Variants in IL1RAPL2 observed in about 807,000 individuals in gnomAD.
The protein encoded by IL1RAPL2 is interleukin 1 receptor accessory protein like 2, also known as X-linked interleukin-1 receptor accessory protein-like 2.
A neutral mutation model predicts 44.1 loss-of-function variants in IL1RAPL2; 3 were observed. The observed-to-expected ratio is 0.07, with a 90% confidence interval of 0.03 to 0.18. The LOEUF (loss-of-function observed/expected upper bound fraction) is 0.18. IL1RAPL2 is among the 10% of genes least tolerant of loss of function. The pLI is 1.00. For synonymous variants in IL1RAPL2, 181 were observed against 178.8 expected (o/e 1.01, Z -0.10); for missense variants, 391 against 496.4 (o/e 0.79, Z 2.02).
chrX:105,679,720 A>G (rs771801569), intron 6 of IL1RAPL2, among the ~76,000 whole-genome samples: 5 of 112,111 alleles, frequency 4.5e-5, no homozygotes, highest in African/African-American at 1.3e-4. Flanking sequence ...CCACCAAAAC[A>G]TATCAATTTT....
chrX:105,198,256 A>G (rs973094108), intron 3 of IL1RAPL2, among the ~76,000 whole-genome samples: 12 of 111,826 alleles, frequency 1.1e-4, no homozygotes, highest in African/African-American at 3.9e-4. Flanking sequence ...TCCTTTGGGT[A>G]TATACCCAAT....
chrX:104,896,617 A>G (rs1923656451), intron 2 of IL1RAPL2, among the ~76,000 whole-genome samples: 1 of 111,776 alleles, frequency 8.9e-6, no homozygotes, highest in South Asian at 3.8e-4. Flanking sequence ...AAATGCACCA[A>G]GCAGCACTCT....
chrX:104,792,126 G>A (rs1286150338), intron 2 of IL1RAPL2, among the ~76,000 whole-genome samples: 4 of 110,446 alleles, frequency 3.6e-5, no homozygotes, highest in Admixed American at 2.9e-4. Context: ...GCCTCTTTTA[G>A]AGGGGAGGAA....
In IL1RAPL2 at chrX:105,402,332, A is replaced by G. The variant is rs141912561; in HGVS notation, c.698-81981A>G. Among the ~76,000 whole-genome samples, 988 of 111,403 alleles carry G rather than the reference A, an allele frequency of 8.9e-3. 6 individuals carry two copies. The highest frequency in any genetic ancestry group is 0.015 in the Non-Finnish European group (780 of 52,887). ...CTGTAAACATACATCTCAACTTTGAATACTGGCAACACTTTCAGCAAGATA... is the reference window on the plus strand; with the variant it reads ...CTGTAAACATACATCTCAACTTTGAGTACTGGCAACACTTTCAGCAAGATA... On this transcript the variant is annotated intron_variant, in intron 5 of 10. Transcript: ENST00000372582.
At chrX:104,785,568 A>C (rs1932794158) in intron 2 of IL1RAPL2, among the ~76,000 whole-genome samples, 1 of 111,075 alleles carries the variant, frequency 9.0e-6, no homozygotes, top group Admixed American at 9.6e-5. Context: ...TTCTGCCCTC[A>C]GTTTTCTGAC....
chrX:105,216,147 A>G (rs1341169545), intron 3 of IL1RAPL2, among the ~76,000 whole-genome samples: 2 of 111,388 alleles, frequency 1.8e-5, no homozygotes, highest in Non-Finnish European at 3.8e-5. Flanking sequence ...GCGCATTCTA[A>G]TAGGAAGAGA....
intron 2 of IL1RAPL2, among the ~76,000 whole-genome samples, chrX:104,867,354 T>G (rs1424868739): frequency 3.6e-5 from 4 of 110,927 alleles, no homozygotes; most frequent in African/African-American, 1.3e-4. Flanking sequence ...GCAAGCTATG[T>G]ACAAGAAATA....
chrX:104,952,546 A>T (rs1925612433), intron 2 of IL1RAPL2, among the ~76,000 whole-genome samples: 1 of 112,113 alleles, frequency 8.9e-6, no homozygotes, highest in Non-Finnish European at 1.9e-5. Context: ...TAATGTTGTT[A>T]TCTTATTAAG....
At position 105,618,905 on chromosome X, in the gene IL1RAPL2, T is replaced by C. The variant is rs930421669; in HGVS notation, c.773-98462T>C. ...GACTTATTGTCCCTGTTACTGGAAG[T>C]GTGGTAAGCAGATAGCCTTCAGCTT... On this transcript the variant is annotated intron_variant, in intron 6 of 10. Coordinates refer to ENST00000372582, the MANE Select transcript of IL1RAPL2 (RefSeq NM_017416.2). 3.6e-5 allele frequency among the ~76,000 whole-genome samples: 4 copies of C among 111,249 alleles called. No individual in the cohort carries two copies. In the Admixed American group the frequency reaches 3.8e-4, roughly 11 times the overall value.
intron 2 of IL1RAPL2, among the ~76,000 whole-genome samples, chrX:105,180,990 A>G (rs2033525598): frequency 9.0e-6 from 1 of 111,418 alleles, no homozygotes. Context: ...GAAACTTTTT[A>G]TTAATGATGC....
At chrX:105,109,282 T>C (rs1602958308) in intron 2 of IL1RAPL2, among the ~76,000 whole-genome samples, 1 of 112,505 alleles carries the variant, frequency 8.9e-6, no homozygotes, top group East Asian at 2.8e-4. Flanking sequence ...ACATAGCAGA[T>C]ATCTTTAAAA....
At chrX:105,072,316 C>G (rs1169235057) in intron 2 of IL1RAPL2, among the ~76,000 whole-genome samples, 1 of 111,644 alleles carries the variant, frequency 9.0e-6, no homozygotes, top group Non-Finnish European at 1.9e-5. Context: ...ATAAACTACC[C>G]AGTCTTGGGT....
chrX:104,582,211 T>C (rs905617433), intron 1 of IL1RAPL2, among the ~76,000 whole-genome samples: 1 of 112,101 alleles, frequency 8.9e-6, no homozygotes, highest in African/African-American at 3.2e-5. Context: ...CCAGCTACTA[T>C]GGTTTGTTAG....
At chrX:105,751,632 GA>G (rs2038598496) in intron 9 of IL1RAPL2, among the ~76,000 whole-genome samples, 1 of 111,574 alleles carries the variant, frequency 9.0e-6, no homozygotes, top group African/African-American at 3.3e-5. Context: ...TGTTTGGGGG[GA>G]AATGCAATAT....
At chrX:105,327,031 G>C (rs973327384) in intron 5 of IL1RAPL2, among the ~76,000 whole-genome samples, 25 of 112,349 alleles carry the variant, frequency 2.2e-4, no homozygotes, top group African/African-American at 8.1e-4. Context: ...TGAAAGGGAA[G>C]TTGGGTAGAA....
Position 104,633,639 on chromosome X carries a change from A to G in IL1RAPL2, c.-19-25256A>G, listed in dbSNP as rs771364914. On this transcript the variant is annotated intron_variant, in intron 1 of 10. Coordinates refer to ENST00000372582, the MANE Select transcript of IL1RAPL2 (RefSeq NM_017416.2). ...CTAGTTTATTTGCATAGAGGTGTTT[A>G]TAGTATTCTCTGATGGTAGCTTGTA... is the stretch of plus-strand genomic sequence containing the variant. 2.7e-3 allele frequency among the ~76,000 whole-genome samples: 299 copies of G among 111,863 alleles called. 1 individual carries two copies. The highest frequency in any genetic ancestry group is 3.3e-3 in the Non-Finnish European group (174 of 53,178).
intron 2 of IL1RAPL2, among the ~76,000 whole-genome samples, chrX:104,998,453 G>A (rs1053262534): frequency 9.0e-6 from 1 of 110,872 alleles, no homozygotes; most frequent in Admixed American, 9.5e-5. Context: ...TAACAAGGGG[G>A]AATTTTCCTG....
intron 2 of IL1RAPL2, among the ~76,000 whole-genome samples, chrX:104,688,623 A>G: frequency 9.0e-6 from 1 of 111,288 alleles, no homozygotes; most frequent in Non-Finnish European, 1.9e-5. Flanking sequence ...CTGCCATGGA[A>G]TGATTTAATA....
At chrX:105,098,700 T>A (rs933691460) in intron 2 of IL1RAPL2, among the ~76,000 whole-genome samples, 2 of 111,914 alleles carry the variant, frequency 1.8e-5, no homozygotes, top group African/African-American at 6.5e-5. Context: ...TTAATTAAGG[T>A]GCCAGAATGA....
Sources: gnomAD v4.1 joint callset for allele counts (sites outside exome capture counted in the v4.1 genomes callset) on GRCh38, gnomAD v4.1.1 for gene constraint, MANE v1.5 for transcripts, NCBI Gene and HGNC (gene_info 2026-07-23, HGNC 2026-07-21) for gene names.